The following RAB3IP variants were observed in gnomAD, a reference collection of about 807,000 sequenced individuals.
RAB3IP encodes rab-3A-interacting protein.
Under a neutral mutation model 59.1 loss-of-function variants are expected in RAB3IP, and 36 were observed. The observed-to-expected ratio is 0.61, with a 90% confidence interval of 0.47 to 0.80. RAB3IP has a LOEUF of 0.80. Ranked by LOEUF, RAB3IP falls within the 30% of genes least tolerant of loss-of-function variation. The pLI is 0.00. For missense variants in RAB3IP, 511 were observed against 536.0 expected (o/e 0.95, Z 0.46); for synonymous variants, 207 against 191.2 (o/e 1.08, Z -0.68).
intron 8 of RAB3IP, among the ~76,000 whole-genome samples, chr12:69,803,481 G>GTT (rs1045277482): frequency 6.7e-6 from 1 of 148,768 alleles, no homozygotes; most frequent in Admixed American, 6.7e-5. Context: ...TTTGGTTTAA[G>GTT]TTTTTTTTTT....
chr12:69,789,395 G>C (rs1266146269), intron 4 of RAB3IP, among the ~76,000 whole-genome samples: 2 of 151,976 alleles, frequency 1.3e-5, no homozygotes, highest in African/African-American at 2.4e-5. Flanking sequence ...AGAAGAAATA[G>C]ATAAATTCCT....
chr12:69,765,864 T>C (rs1031822013), intron 3 of RAB3IP, among the ~76,000 whole-genome samples: 4 of 152,364 alleles, frequency 2.6e-5, no homozygotes, highest in African/African-American at 9.6e-5. Context: ...TAGCAGTTGC[T>C]TGTCTGGAAA....
rs757533574 is a variant in RAB3IP at position 69,794,482 on chromosome 12, G to C, written c.652G>C (p.Ala218Pro). ...VREANIKQAT[A>P]EKQLKEAQGK... ...AGAAGCAAATATCAAGCAGGCAACA[G>C]CAGAAAAACAGCTAAAAGAAGCACA... The change falls in exon 5 of 11, where the codon GCA becomes CCA. Residue 218 changes from alanine to proline, a missense_variant. Ala to Pro is a conservative substitution (Grantham distance 27). Transcript: ENST00000247833. 6.2e-7 allele frequency: 1 copy of C among 1,613,040 alleles called. No individual in the cohort carries two copies. Among genetic ancestry groups the C allele is most frequent in the Non-Finnish European group, 8.5e-7 (1 of 1,179,504 alleles).
At chr12:69,794,138 T>G (rs1449405926) in intron 4 of RAB3IP, among the ~76,000 whole-genome samples, 1 of 152,224 alleles carries the variant, frequency 6.6e-6, no homozygotes, top group East Asian at 1.9e-4. Flanking sequence ...GAGTTGGCTT[T>G]GACACATTGG....
chr12:69,759,696 G>T (rs1233747232), intron 3 of RAB3IP, among the ~76,000 whole-genome samples: 1 of 150,182 alleles, frequency 6.7e-6, no homozygotes, highest in Non-Finnish European at 1.5e-5. Context: ...GGCCGGGCAG[G>T]GGCTGACCCC....
chr12:69,757,639 A>G (rs1429628407), intron 3 of RAB3IP, among the ~76,000 whole-genome samples: 1 of 152,208 alleles, frequency 6.6e-6, no homozygotes, highest in Non-Finnish European at 1.5e-5. Flanking sequence ...TATCCAACCT[A>G]CCATGACATT....
At chr12:69,790,615 T>G (rs192150809) in intron 4 of RAB3IP, among the ~76,000 whole-genome samples, 2 of 152,200 alleles carry the variant, frequency 1.3e-5, no homozygotes, top group Admixed American at 1.3e-4. Flanking sequence ...GATGGAGTCT[T>G]GCTCTGTTGC....
chr12:69,747,258 T>A (rs921858763), intron 1 of RAB3IP, among the ~76,000 whole-genome samples: 1 of 151,602 alleles, frequency 6.6e-6, no homozygotes, highest in African/African-American at 2.4e-5. Flanking sequence ...ATGACTACCT[T>A]AGGAGATAGG....
chr12:69,748,301 C>T (rs1410057746), intron 1 of RAB3IP, among the ~76,000 whole-genome samples: 3 of 151,910 alleles, frequency 2.0e-5, no homozygotes, highest in East Asian at 3.9e-4. Flanking sequence ...CTTGAGTTGT[C>T]CTAGGGATGG....
Position 69,755,566 on chromosome 12 carries a change from T to C in RAB3IP, c.158T>C (p.Ile53Thr), listed in dbSNP as rs1214788282. Residue 53 changes from isoleucine to threonine, a missense_variant, in exon 2 of 11, where the codon ATC becomes ACC. Transcript: ENST00000247833. ...PHPSALSSVP[I>T]QANALDVSEL... Reference sequence around the variant, plus strand: ...CCTTCAGCTTTATCCTCTGTACCTATCCAGGCAAATGCATTAGATGTTTCT... The same window carrying C: ...CCTTCAGCTTTATCCTCTGTACCTACCCAGGCAAATGCATTAGATGTTTCT... The C allele has an allele frequency of 6.2e-7, 1 of 1,614,004 alleles. No homozygotes were observed. Among genetic ancestry groups the C allele is most frequent in the Non-Finnish European group, 8.5e-7 (1 of 1,179,992 alleles).
At chr12:69,809,511 A>G (rs981343867) in intron 8 of RAB3IP, among the ~76,000 whole-genome samples, 1 of 152,224 alleles carries the variant, frequency 6.6e-6, no homozygotes, top group African/African-American at 2.4e-5. Flanking sequence ...ACTTGGTTCC[A>G]TTCTCCCCGT....
At chr12:69,808,451 A>G (rs926859748) in intron 8 of RAB3IP, among the ~76,000 whole-genome samples, 1 of 151,888 alleles carries the variant, frequency 6.6e-6, no homozygotes, top group Admixed American at 6.6e-5. Flanking sequence ...ATCTTTGTTA[A>G]CTTTCTGTCT....
intron 8 of RAB3IP, among the ~76,000 whole-genome samples, chr12:69,804,853 A>G (rs1592606458): frequency 1.3e-5 from 2 of 152,128 alleles, no homozygotes; most frequent in Non-Finnish European, 1.5e-5. Flanking sequence ...CCATTGGTCT[A>G]TATCTCTGTT....
At chr12:69,762,967 C>G (rs1333517254) in intron 3 of RAB3IP, among the ~76,000 whole-genome samples, 1 of 151,946 alleles carries the variant, frequency 6.6e-6, no homozygotes, top group Non-Finnish European at 1.5e-5. Context: ...TGAGATAAAA[C>G]TATAAATTTT....
At chr12:69,762,318 G>C (rs1285637188) in intron 3 of RAB3IP, among the ~76,000 whole-genome samples, 2 of 152,196 alleles carry the variant, frequency 1.3e-5, no homozygotes, top group Non-Finnish European at 2.9e-5. Flanking sequence ...ATTAAGTATA[G>C]ATCCTTGCAC....
At chr12:69,785,319 C>T (rs930524390) in intron 4 of RAB3IP, among the ~76,000 whole-genome samples, 1 of 152,104 alleles carries the variant, frequency 6.6e-6, no homozygotes, top group Non-Finnish European at 1.5e-5. Flanking sequence ...CGTTTAGTGT[C>T]CTTGGTGTTT....
At chr12:69,814,599 C>T (rs1261921685) in intron 10 of RAB3IP, among the ~76,000 whole-genome samples, 5 of 151,882 alleles carry the variant, frequency 3.3e-5, no homozygotes, top group African/African-American at 4.8e-5. Flanking sequence ...GTAGCACCCC[C>T]GAGATGGGAC....
intron 3 of RAB3IP, among the ~76,000 whole-genome samples, chr12:69,771,981 TTA>T (rs1246370428): frequency 2.0e-5 from 3 of 152,322 alleles, no homozygotes; most frequent in Admixed American, 6.5e-5. Context: ...CATTTTAAAA[TTA>T]TGTTATTTGT....
Position 69,819,743 on chromosome 12 carries a change from G to A in RAB3IP, c.*4297G>A, listed in dbSNP as rs887278596. 1 of 152,282 alleles carries A rather than the reference G, an allele frequency of 6.6e-6. No individual in the cohort carries two copies. Among genetic ancestry groups the A allele is most frequent in the Admixed American group, 6.5e-5 (1 of 15,290 alleles). The allele number at this position is 152,282 out of a possible 1,614,324, so 9.4% of individuals were successfully genotyped here. A position where few individuals can be genotyped will look rare whatever the true frequency, so the allele number is the denominator to read the frequency against. On this transcript the variant is annotated 3_prime_UTR_variant, in exon 11 of 11. Coordinates refer to ENST00000247833, the MANE Select transcript of RAB3IP (RefSeq NM_022456.5). ...ACTCTTGGACAAGTTTTTAGAAGTT[G>A]GTTTGGAGCTGGGGTGAGAGCCTGG...
Sources: gnomAD v4.1 joint callset for allele counts (sites outside exome capture counted in the v4.1 genomes callset) on GRCh38, gnomAD v4.1.1 for gene constraint, MANE v1.5 for transcripts, NCBI Gene and HGNC (gene_info 2026-07-23, HGNC 2026-07-21) for gene names.